The following FHIT variants were observed in gnomAD, a reference collection of about 807,000 sequenced individuals.
The protein encoded by FHIT is bis(5'-adenosyl)-triphosphatase.
A neutral mutation model predicts 17.9 loss-of-function variants in FHIT; 19 were observed. The ratio of observed to expected loss-of-function variants is 1.06; its 90% CI spans 0.74 to 1.56. FHIT has a LOEUF of 1.56. FHIT is among the 40% of genes most tolerant of loss of function. FHIT has a pLI of 0.00. For synonymous variants in FHIT, 81 were observed against 69.7 expected, an observed-to-expected ratio of 1.16 and a Z score of -0.81; for missense variants, 248 against 189.2, an observed-to-expected ratio of 1.31 and a Z score of -1.82.
rs186775031 is a variant in FHIT, at chr3:60,980,891, T to C, written c.-111+61156A>G. 5.1e-3 allele frequency among the ~76,000 whole-genome samples: 779 copies of C among 152,316 alleles called. 3 individuals carry two copies. The highest frequency in any genetic ancestry group is 9.4e-3 in the Admixed American group (143 of 15,288). ...CTACAAATACCTGTTTAGATACAAA[T>C]GAGGTCACATTAACACCTCACAGCC... On this transcript the variant is annotated intron_variant, in intron 3 of 9. Transcript: ENST00000492590.
intron 5 of FHIT, among the ~76,000 whole-genome samples, chr3:60,391,078 C>T (rs889175504): frequency 1.3e-5 from 2 of 150,948 alleles, no homozygotes; most frequent in African/African-American, 5.0e-5. Context: ...GTCCCAGCTT[C>T]TCATGAGGCT....
chr3:60,264,571 T>C (rs1388677113), intron 5 of FHIT, among the ~76,000 whole-genome samples: 1 of 151,974 alleles, frequency 6.6e-6, no homozygotes, highest in African/African-American at 2.4e-5. Context: ...CAATAATACA[T>C]TAAGAGAGTT....
At position 60,314,742 on chromosome 3, in the gene FHIT, T is replaced by A. The variant is rs185621203; in HGVS notation, c.103+222118A>T. On this transcript the variant is annotated intron_variant, in intron 5 of 9. Transcript: ENST00000492590. ...CTTCCATCCAGAAGTGAGGGGTCTATGTTCCTTCTCCCTGAGTAAGGTGGG... is the reference window on the plus strand; with the variant it reads ...CTTCCATCCAGAAGTGAGGGGTCTAAGTTCCTTCTCCCTGAGTAAGGTGGG... 1.6e-3 allele frequency among the ~76,000 whole-genome samples: 251 copies of A among 152,228 alleles called. 3 individuals are homozygous for A. The highest frequency in any genetic ancestry group is 5.5e-3 in the African/African-American group (230 of 41,552).
chr3:60,582,852 G>A lies in FHIT; in HGVS notation c.-17-45873C>T, dbSNP rs531725712. On this transcript the variant is annotated intron_variant, in intron 4 of 9. Coordinates refer to ENST00000492590, the MANE Select transcript of FHIT (RefSeq NM_002012.4). The stretch of plus-strand genomic sequence containing the variant: ...ATTTAAATATCCTACTTGATTCTCA[G>A]AACAAATCTATATTTTATAGGTAAG... Among the ~76,000 whole-genome samples the A allele has an allele frequency of 1.1e-4, 17 of 152,078 alleles. No homozygotes were observed. In the South Asian group the frequency reaches 2.9e-3, roughly 26 times the overall value.
chr3:60,213,163 A>G (rs1242301018), intron 5 of FHIT, among the ~76,000 whole-genome samples: 1 of 152,168 alleles, frequency 6.6e-6, no homozygotes, highest in Non-Finnish European at 1.5e-5. Flanking sequence ...GGCTTATATA[A>G]CTAGGTATTC....
chr3:59,970,560 G>A (rs1172408227), intron 7 of FHIT, among the ~76,000 whole-genome samples: 2 of 152,102 alleles, frequency 1.3e-5, no homozygotes, highest in African/African-American at 4.8e-5. Flanking sequence ...AACTAAGAAA[G>A]CAAGCGGAGG....
At chr3:59,997,743 G>A (rs1699572473) in intron 7 of FHIT, among the ~76,000 whole-genome samples, 1 of 152,088 alleles carries the variant, frequency 6.6e-6, no homozygotes, top group South Asian at 2.1e-4. Context: ...AGTCTTCCTT[G>A]ACCTAATGAG....
intron 5 of FHIT, among the ~76,000 whole-genome samples, chr3:60,379,292 A>C (rs1417595619): frequency 6.6e-6 from 1 of 152,088 alleles, no homozygotes; most frequent in Non-Finnish European, 1.5e-5. Context: ...TAATTCCCAC[A>C]ATCAGAATCC....
At chr3:59,787,529 C>T (rs1011090004) in intron 8 of FHIT, among the ~76,000 whole-genome samples, 5 of 147,710 alleles carry the variant, frequency 3.4e-5, no homozygotes, top group Admixed American at 6.7e-5. Flanking sequence ...CACACACACA[C>T]GTCAAAGGCT....
At chr3:60,359,713 T>C (rs978678637) in intron 5 of FHIT, among the ~76,000 whole-genome samples, 3 of 152,240 alleles carry the variant, frequency 2.0e-5, no homozygotes, top group African/African-American at 7.2e-5. Flanking sequence ...CTTTATCTTT[T>C]TCTGGATAGA....
intron 3 of FHIT, among the ~76,000 whole-genome samples, chr3:61,034,075 A>T (rs779043265): frequency 7.9e-5 from 12 of 152,180 alleles, no homozygotes; most frequent in Non-Finnish European, 1.0e-4. Context: ...TGCCAAGAAT[A>T]AAGCTGGACC....
intron 3 of FHIT, among the ~76,000 whole-genome samples, chr3:60,990,876 C>G (rs575171998): frequency 4.3e-4 from 65 of 152,226 alleles, no homozygotes; most frequent in African/African-American, 1.6e-3. Flanking sequence ...TTACACAGAC[C>G]TTTGAAAACA....
chr3:60,731,121 A>T (rs1553711102), intron 4 of FHIT, among the ~76,000 whole-genome samples: 1 of 151,994 alleles, frequency 6.6e-6, no homozygotes, highest in Non-Finnish European at 1.5e-5. Context: ...ATAGAGCGAG[A>T]CTCTGTCTCA....
chr3:60,134,672 A>G (rs9838518), intron 5 of FHIT, among the ~76,000 whole-genome samples: 6,740 of 152,262 alleles, frequency 0.044, 478 homozygotes, highest in African/African-American at 0.15. Context: ...CTCTCTTGCC[A>G]GCCAATCCTC....
chr3:60,939,927 C>G (rs1395848750), intron 3 of FHIT, among the ~76,000 whole-genome samples: 18 of 151,970 alleles, frequency 1.2e-4, no homozygotes, highest in African/African-American at 3.9e-4. Flanking sequence ...TAATCATGAT[C>G]AAGACTCAGA....
chr3:60,690,732 G>A (rs1384357096), intron 4 of FHIT: 16 of 405,582 alleles, frequency 3.9e-5, no homozygotes, highest in East Asian at 1.8e-4. Flanking sequence ...CTGGTAATAC[G>A]GGGCTCCCAG....
chr3:60,085,217 G>C (rs868598567), intron 5 of FHIT, among the ~76,000 whole-genome samples: 25 of 152,086 alleles, frequency 1.6e-4, no homozygotes, highest in African/African-American at 5.8e-4. Context: ...ACTAGACAGA[G>C]ACAAAGATCT....
chr3:60,825,329 G>A (rs752106448), intron 3 of FHIT, among the ~76,000 whole-genome samples: 1 of 152,162 alleles, frequency 6.6e-6, no homozygotes, highest in African/African-American at 2.4e-5. Flanking sequence ...ATATTTATAT[G>A]ATTAAAGGAC....
At chr3:59,772,711 G>T (rs1702128067) in intron 8 of FHIT, among the ~76,000 whole-genome samples, 1 of 152,198 alleles carries the variant, frequency 6.6e-6, no homozygotes, top group African/African-American at 2.4e-5. Flanking sequence ...AGCCTTCTAT[G>T]AACATTAGTG....
Sources: gnomAD v4.1 joint callset for allele counts (sites outside exome capture counted in the v4.1 genomes callset) on GRCh38, gnomAD v4.1.1 for gene constraint, MANE v1.5 for transcripts, NCBI Gene and HGNC (gene_info 2026-07-23, HGNC 2026-07-21) for gene names.